Variants in CAMK4 observed in about 807,000 individuals in gnomAD.
CAMK4 encodes the protein calcium/calmodulin-dependent protein kinase type IV.
CAMK4 carries 22 observed loss-of-function variants against 44.9 expected under a neutral mutation model. The observed-to-expected ratio is 0.49, with a 90% CI of 0.35 to 0.70. The LOEUF (loss-of-function observed/expected upper bound fraction) is 0.70, where lower values mean the gene tolerates loss of function less well. Ranked by LOEUF, CAMK4 falls within the 30% of genes least tolerant of loss-of-function variation. The pLI is 0.01. For synonymous variants in CAMK4, 218 were observed against 215.4 expected (o/e 1.01, Z -0.11); for missense variants, 498 against 586.8 (o/e 0.85, Z 1.56).
intron 2 of CAMK4, among the ~76,000 whole-genome samples, chr5:111,355,724 T>C (rs1750319073): frequency 6.7e-6 from 1 of 150,128 alleles, no homozygotes. Context: ...CATTGTTCAA[T>C]TCCCATCTAT....
chr5:111,407,900 C>A (rs1752495505), intron 5 of CAMK4, among the ~76,000 whole-genome samples: 1 of 152,062 alleles, frequency 6.6e-6, no homozygotes, highest in Non-Finnish European at 1.5e-5. Context: ...CTGAGGTGGG[C>A]AGATCACTTG....
At chr5:111,358,636 G>A (rs1295144943) in intron 2 of CAMK4, among the ~76,000 whole-genome samples, 1 of 151,538 alleles carries the variant, frequency 6.6e-6, no homozygotes, top group African/African-American at 2.4e-5. Flanking sequence ...CTCGTGTCAT[G>A]GGGATTTGTT....
intron 1 of CAMK4, among the ~76,000 whole-genome samples, chr5:111,235,993 C>T (rs1748698271): frequency 6.6e-6 from 1 of 152,214 alleles, no homozygotes; most frequent in Non-Finnish European, 1.5e-5. Context: ...ACAGGCAGGA[C>T]ACAATTGTTA....
rs60291763 is a variant in CAMK4 at position 111,400,998 on chromosome 5, C to T, written c.459+6216C>T. ...GTTTCCAAAACATCATCATCCCCTA[C>T]ATTATCCCCCACTGATACAGCCTTT... On this transcript the variant is annotated intron_variant, in intron 5 of 10. Coordinates refer to ENST00000282356, the MANE Select transcript of CAMK4 (RefSeq NM_001744.6). Among the ~76,000 whole-genome samples the T allele has an allele frequency of 5.4e-3, 829 of 152,304 alleles. 8 individuals are homozygous for T. The highest frequency in any genetic ancestry group is 0.019 in the African/African-American group (804 of 41,572).
chr5:111,445,939 G>C (rs905308051), intron 5 of CAMK4, among the ~76,000 whole-genome samples: 1 of 152,196 alleles, frequency 6.6e-6, no homozygotes, highest in Non-Finnish European at 1.5e-5. Flanking sequence ...CTTTTGAAGA[G>C]GGGACTGGAA....
chr5:111,315,346 A>G (rs1188393005), intron 1 of CAMK4, among the ~76,000 whole-genome samples: 1 of 152,120 alleles, frequency 6.6e-6, no homozygotes, highest in Non-Finnish European at 1.5e-5. Context: ...ATATTGATTC[A>G]TACAGATTAA....
At chr5:111,431,972 C>G (rs1013014230) in intron 5 of CAMK4, among the ~76,000 whole-genome samples, 1 of 152,074 alleles carries the variant, frequency 6.6e-6, no homozygotes, top group Non-Finnish European at 1.5e-5. Context: ...AAAAATTGAG[C>G]TACCATACGA....
chr5:111,347,499 A>T (rs2112762298), intron 2 of CAMK4, among the ~76,000 whole-genome samples: 1 of 152,130 alleles, frequency 6.6e-6, no homozygotes, highest in Non-Finnish European at 1.5e-5. Context: ...GGCTAGCTAG[A>T]TGCCTGAAAT....
rs913008456 is a variant in CAMK4, at chr5:111,493,056, T to G, written c.*8590T>G. On this transcript the variant is annotated 3_prime_UTR_variant, in exon 11 of 11. Coordinates refer to ENST00000282356, the MANE Select transcript of CAMK4 (RefSeq NM_001744.6). The surrounding 1 kb of genome is among the most constrained non-coding windows in gnomAD (Gnocchi z 4.1). ...ATGAAAGGCAGAGGTGAAGGAAGAA[T>G]ACTAAATGTGAAAGGCTGAAATACA... The G allele has an allele frequency of 6.6e-6, 1 of 152,104 alleles. No individual in the cohort carries two copies. Among genetic ancestry groups the G allele is most frequent in the Non-Finnish European group, 1.5e-5 (1 of 68,030 alleles). The allele number at this position is 152,104 out of a possible 1,614,324, so 9.4% of individuals were successfully genotyped here. A position where few individuals can be genotyped will look rare whatever the true frequency, so the allele number is the denominator to read the frequency against.
chr5:111,262,346 G>T (rs1750025376), intron 1 of CAMK4, among the ~76,000 whole-genome samples: 1 of 152,128 alleles, frequency 6.6e-6, no homozygotes, highest in South Asian at 2.1e-4. Context: ...GGCCACTGGT[G>T]CTTATTGAAG....
chr5:111,476,979 A>G (rs1755268356), intron 8 of CAMK4, among the ~76,000 whole-genome samples: 3 of 152,232 alleles, frequency 2.0e-5, no homozygotes, highest in African/African-American at 7.2e-5. Context: ...GGGGAAATAT[A>G]AGGAAACTCC....
At chr5:111,284,591 T>C (rs1028144134) in intron 1 of CAMK4, among the ~76,000 whole-genome samples, 4 of 152,172 alleles carry the variant, frequency 2.6e-5, no homozygotes, top group East Asian at 1.9e-4. Context: ...CACCTCCCTC[T>C]GATGAGGATG....
chr5:111,418,904 T>C (rs946474045), intron 5 of CAMK4, among the ~76,000 whole-genome samples: 6 of 152,146 alleles, frequency 3.9e-5, no homozygotes, highest in East Asian at 3.8e-4. Context: ...AATAAACATA[T>C]GTGTGCATGT....
At position 111,487,208 on chromosome 5, in the gene CAMK4, G is replaced by T. The variant is rs751123223; in HGVS notation, c.*2742G>T. 3.0e-4 allele frequency: 46 copies of T among 152,118 alleles called. No individual in the cohort carries two copies. The highest frequency in any genetic ancestry group is 5.7e-4 in the Non-Finnish European group (39 of 67,998). 9.4% of individuals were successfully genotyped at this position (152,118 alleles called of 1,614,324 possible). The stretch of plus-strand genomic sequence containing the variant: ...TTGGCAATATAGTCACAAAGCAAAA[G>T]AATTCAAATTTCAGCAAACAATAAA... On this transcript the variant is annotated 3_prime_UTR_variant, in exon 11 of 11. Transcript: ENST00000282356.
intron 1 of CAMK4, among the ~76,000 whole-genome samples, chr5:111,247,325 A>G (rs1170612809): frequency 6.8e-6 from 1 of 147,394 alleles, no homozygotes; most frequent in African/African-American, 2.5e-5. Flanking sequence ...TTTTATATTT[A>G]TAGCTATATA....
chr5:111,394,933 G>A, intron 5 of CAMK4, 151 bp downstream of exon 5: 1 of 598,184 alleles, frequency 1.7e-6, no homozygotes, highest in Non-Finnish European at 2.9e-6. Context: ...AATAAGGTGG[G>A]CATGGTGGCT....
At chr5:111,317,009 T>G (rs1191387525) in intron 1 of CAMK4, among the ~76,000 whole-genome samples, 3 of 152,144 alleles carry the variant, frequency 2.0e-5, no homozygotes. Flanking sequence ...TGGTTCAAGC[T>G]TCTCTCCTTT....
chr5:111,292,400 T>C (rs1201606448), intron 1 of CAMK4, among the ~76,000 whole-genome samples: 2 of 152,150 alleles, frequency 1.3e-5, no homozygotes, highest in Non-Finnish European at 2.9e-5. Context: ...TGTGTGTGTA[T>C]ATGTATGTGT....
chr5:111,279,184 T>C (rs1166488163), intron 1 of CAMK4, among the ~76,000 whole-genome samples: 2 of 152,226 alleles, frequency 1.3e-5, no homozygotes, highest in Non-Finnish European at 1.5e-5. Flanking sequence ...CTTGAACTTA[T>C]TGTATACACT....
Sources: gnomAD v4.1 joint callset for allele counts (sites outside exome capture counted in the v4.1 genomes callset) on GRCh38, gnomAD v4.1.1 for gene constraint, Gnocchi (gnomAD v3.1) non-coding constraint, MANE v1.5 for transcripts, NCBI Gene and HGNC (gene_info 2026-07-23, HGNC 2026-07-21) for gene names.